PRKAR1B: variants seen among roughly 807,000 people sequenced by gnomAD.
PRKAR1B encodes the protein protein kinase cAMP-dependent type I regulatory subunit beta, also known as cAMP-dependent protein kinase type I-beta regulatory subunit.
In PRKAR1B, 22 loss-of-function variants were observed where a neutral mutation model predicts 46.5. The ratio of observed to expected loss-of-function variants is 0.47; its 90% confidence interval spans 0.34 to 0.68. PRKAR1B has a LOEUF of 0.68. Ranked by LOEUF, PRKAR1B falls within the 30% of genes least tolerant of loss-of-function variation. PRKAR1B has a pLI of 0.01. For synonymous variants in PRKAR1B, 259 were observed against 217.7 expected (o/e 1.19, Z -1.67); for missense variants, 445 against 535.6 (o/e 0.83, Z 1.67).
At chr7:640,035 C>T (rs765909476) in intron 4 of PRKAR1B, among the ~76,000 whole-genome samples, 17 of 148,572 alleles carry the variant, frequency 1.1e-4, no homozygotes, top group Non-Finnish European at 2.4e-4. Context: ...TGGTGGCATG[C>T]GCCTGTAGTC....
intron 9 of PRKAR1B, among the ~76,000 whole-genome samples, chr7:576,138 C>A (rs1317798289): frequency 6.6e-6 from 1 of 151,206 alleles, no homozygotes; most frequent in Non-Finnish European, 1.5e-5. Context: ...GGCGTGCACG[C>A]TGGCATCCTC....
At chr7:719,353 C>A (rs1173954081) in intron 1 of PRKAR1B, among the ~76,000 whole-genome samples, 2 of 151,822 alleles carry the variant, frequency 1.3e-5, no homozygotes, top group Non-Finnish European at 2.9e-5. Context: ...ATTTTGTATT[C>A]TTTTTGTAGA....
At chr7:668,427 C>G (rs565168276) in intron 4 of PRKAR1B, among the ~76,000 whole-genome samples, 1 of 152,312 alleles carries the variant, frequency 6.6e-6, no homozygotes, top group African/African-American at 2.4e-5. Flanking sequence ...AGCCATCAGC[C>G]TGTTTCTTTA....
chr7:610,329 AGCCGACTTTCCACACACCCAGGT>A (rs1782403934), intron 4 of PRKAR1B, among the ~76,000 whole-genome samples: 1 of 152,178 alleles, frequency 6.6e-6, no homozygotes, highest in Non-Finnish European at 1.5e-5. Context: ...TATCAATGAA[AGCCGACTTTCCACACACCCAGGT>A]GCCTGGGCGT....
chr7:711,583 G>GGATAAACGCAGGCGGCGT (rs1189437717), intron 1 of PRKAR1B, 56 bp from the exon 2 acceptor site: 1 of 1,494,146 alleles, frequency 6.7e-7, no homozygotes, highest in Admixed American at 1.9e-5. Flanking sequence ...GCTGCGCGCC[G>GGATAAACGCAGGCGGCGT]GATAAACGCA....
At chr7:604,814 G>A (rs1332904936) in intron 6 of PRKAR1B, among the ~76,000 whole-genome samples, 8 of 152,130 alleles carry the variant, frequency 5.3e-5, no homozygotes, top group African/African-American at 7.2e-5. Flanking sequence ...TTGCCTGCAC[G>A]GAAGAGTGCG....
intron 4 of PRKAR1B, among the ~76,000 whole-genome samples, chr7:612,540 T>C (rs1462529187): frequency 6.6e-6 from 1 of 151,628 alleles, no homozygotes; most frequent in East Asian, 1.9e-4. Flanking sequence ...GGTGGGTGGA[T>C]GGATAGATGG....
At chr7:636,072 CCGGCCGCGCCCT>C in intron 4 of PRKAR1B, among the ~76,000 whole-genome samples, 3 of 21,654 alleles carry the variant, frequency 1.4e-4, no homozygotes, top group African/African-American at 3.6e-4. Flanking sequence ...ACGTCCTCCA[CCGGCCGCGCCCT>C]CACGTCCTCC....
chr7:606,406 T>G (rs1395508034), intron 5 of PRKAR1B, among the ~76,000 whole-genome samples, 167 bp from the exon 6 acceptor site: 1 of 152,260 alleles, frequency 6.6e-6, no homozygotes, highest in African/African-American at 2.4e-5. Flanking sequence ...TTGAGATAAC[T>G]TGTTAAAGAG....
chr7:606,122 C>T, intron 6 of PRKAR1B, 71 bp downstream of exon 6: 1 of 1,510,714 alleles, frequency 6.6e-7, no homozygotes, highest in South Asian at 1.1e-5. Flanking sequence ...CTGGTGCTGC[C>T]TGGAGGGCAA....
intron 8 of PRKAR1B, among the ~76,000 whole-genome samples, chr7:581,578 T>C (rs1387491655): frequency 6.6e-6 from 1 of 152,272 alleles, no homozygotes; most frequent in African/African-American, 2.4e-5. Context: ...CATTTCCACA[T>C]ATTTGATTAG....
At chr7:648,208 T>C (rs570002996) in intron 4 of PRKAR1B, among the ~76,000 whole-genome samples, 2 of 152,286 alleles carry the variant, frequency 1.3e-5, no homozygotes, top group South Asian at 4.1e-4. Flanking sequence ...AGTTAGCATC[T>C]ATAATGTTTC....
intron 2 of PRKAR1B, among the ~76,000 whole-genome samples, chr7:690,181 A>C (rs2128515111): frequency 6.6e-6 from 1 of 152,034 alleles, no homozygotes; most frequent in African/African-American, 2.4e-5. Flanking sequence ...CTGTAATCCC[A>C]GCTACTCTGG....
At chr7:671,847 G>T (rs1374440782) in intron 4 of PRKAR1B, among the ~76,000 whole-genome samples, 11 of 152,152 alleles carry the variant, frequency 7.2e-5, no homozygotes, top group African/African-American at 2.2e-4. Context: ...CCTGGAACGG[G>T]CCCCAGGCCC....
intron 7 of PRKAR1B, among the ~76,000 whole-genome samples, chr7:592,391 G>C (rs1562545314): frequency 6.6e-6 from 1 of 152,234 alleles, no homozygotes; most frequent in Non-Finnish European, 1.5e-5. Flanking sequence ...CCCATTGGCT[G>C]TGCGGAGTCA....
chr7:648,395 T>C (rs923521850), intron 4 of PRKAR1B, among the ~76,000 whole-genome samples: 2 of 152,096 alleles, frequency 1.3e-5, no homozygotes, highest in African/African-American at 4.8e-5. Context: ...GCAGATCACC[T>C]GAGGTCAGGA....
At chr7:557,074 G>A (rs934731259) in intron 9 of PRKAR1B, among the ~76,000 whole-genome samples, 6 of 152,214 alleles carry the variant, frequency 3.9e-5, no homozygotes, top group Admixed American at 6.5e-5. Flanking sequence ...GGCAGCTTCC[G>A]TTTCCAACCA....
chr7:617,330 A>AGT (rs1782885616), intron 4 of PRKAR1B, among the ~76,000 whole-genome samples: 1 of 141,176 alleles, frequency 7.1e-6, no homozygotes, highest in Non-Finnish European at 1.5e-5. Context: ...AAAGAGACCG[A>AGT]GTCTCACTCT....
At chr7:673,928 G>A (rs1028873147) in intron 4 of PRKAR1B, among the ~76,000 whole-genome samples, 10 of 152,214 alleles carry the variant, frequency 6.6e-5, no homozygotes, top group East Asian at 1.9e-4. Context: ...GGCCCTCCTC[G>A]GCGTGTGCCA....
Sources: gnomAD v4.1 joint callset for allele counts (sites outside exome capture counted in the v4.1 genomes callset) on GRCh38, gnomAD v4.1.1 for gene constraint, MANE v1.5 for transcripts, NCBI Gene and HGNC (gene_info 2026-07-23, HGNC 2026-07-21) for gene names.